Variants in BTRC observed in about 807,000 individuals in gnomAD.
The protein encoded by BTRC is beta-transducin repeat containing E3 ubiquitin protein ligase.
BTRC carries 42 observed loss-of-function variants against 85.5 expected under a neutral mutation model. That is an observed-to-expected ratio of 0.49 (90% CI 0.38 to 0.64). The LOEUF (loss-of-function observed/expected upper bound fraction) is 0.64. Among genes scored for constraint, BTRC ranks in the 30% least tolerant of loss-of-function variants. BTRC has a pLI of 0.00. For missense variants in BTRC, 594 were observed against 743.5 expected, an observed-to-expected ratio of 0.80 and a Z score of 2.34; for synonymous variants, 255 against 263.3, an observed-to-expected ratio of 0.97 and a Z score of 0.30.
intron 1 of BTRC, among the ~76,000 whole-genome samples, chr10:101,385,706 A>G (rs1943060141): frequency 7.2e-6 from 1 of 138,480 alleles, no homozygotes; most frequent in South Asian, 2.3e-4. Flanking sequence ...AAAATCTGGT[A>G]TCACAGGATC....
At chr10:101,536,724 A>C in intron 12 of BTRC, 71 bp downstream of exon 12, 1 of 1,127,236 alleles carries the variant, frequency 8.9e-7, no homozygotes, top group Non-Finnish European at 1.3e-6. Flanking sequence ...TATGGTGTTA[A>C]ACATAACCAT....
intron 1 of BTRC, among the ~76,000 whole-genome samples, chr10:101,366,780 A>ATTTTTTATATT (rs1401642159): frequency 1.5e-4 from 15 of 103,290 alleles, no homozygotes; most frequent in South Asian, 2.6e-4. Flanking sequence ...ATATATATAT[A>ATTTTTTATATT]TATATATATT....
intron 1 of BTRC, among the ~76,000 whole-genome samples, chr10:101,357,420 G>A: frequency 8.1e-6 from 1 of 124,180 alleles, no homozygotes. Flanking sequence ...CAGCCTGGGT[G>A]ACAGAGCGAG....
chr10:101,429,880 ACT>A (rs1328453003), intron 1 of BTRC, among the ~76,000 whole-genome samples: 2 of 150,632 alleles, frequency 1.3e-5, no homozygotes, highest in African/African-American at 2.4e-5. Context: ...AAAAAAAAAA[ACT>A]CTCTTAACTG....
At chr10:101,492,356 T>C (rs1343069907) in intron 4 of BTRC, among the ~76,000 whole-genome samples, 1 of 152,188 alleles carries the variant, frequency 6.6e-6, no homozygotes, top group East Asian at 1.9e-4. Flanking sequence ...GTAGCGTGAC[T>C]CTGTAATGGA....
At chr10:101,443,550 G>A (rs1200964572) in intron 2 of BTRC, among the ~76,000 whole-genome samples, 4 of 152,090 alleles carry the variant, frequency 2.6e-5, no homozygotes, top group Admixed American at 6.6e-5. Flanking sequence ...CATTTAAAAC[G>A]ATCACTTTCC....
intron 2 of BTRC, among the ~76,000 whole-genome samples, chr10:101,455,983 A>ACACACACACACACACACACACACAC (rs1554881061): frequency 1.9e-3 from 179 of 96,014 alleles, no homozygotes; most frequent in Non-Finnish European, 2.8e-3. Flanking sequence ...CTCTACTAAA[A>ACACACACACACACACACACACACAC]ACACACACAC....
intron 13 of BTRC, among the ~76,000 whole-genome samples, chr10:101,542,390 A>G (rs1172510310): frequency 6.6e-6 from 1 of 152,132 alleles, no homozygotes; most frequent in East Asian, 1.9e-4. Flanking sequence ...AGTAATTCTA[A>G]TCACTACTTT....
chr10:101,422,693 C>T (rs919489589), intron 1 of BTRC, among the ~76,000 whole-genome samples: 9 of 152,282 alleles, frequency 5.9e-5, no homozygotes, highest in Non-Finnish European at 1.2e-4. Context: ...ATATGGCTAG[C>T]CAGTTTTCCC....
intron 2 of BTRC, among the ~76,000 whole-genome samples, chr10:101,457,884 A>C (rs1032583788): frequency 6.6e-6 from 1 of 152,166 alleles, no homozygotes; most frequent in Non-Finnish European, 1.5e-5. Context: ...AGCACAAAGA[A>C]TCTCCTTACA....
chr10:101,531,481 T>C (rs988390152), intron 7 of BTRC, 148 bp downstream of exon 7: 31 of 605,342 alleles, frequency 5.1e-5, no homozygotes, highest in Non-Finnish European at 8.5e-5. Context: ...CTCACACCTG[T>C]AATCCCAGCA....
At chr10:101,364,914 A>C (rs919088832) in intron 1 of BTRC, 2 of 149,948 alleles carry the variant, frequency 1.3e-5, no homozygotes, top group Non-Finnish European at 2.9e-5. Flanking sequence ...GCAAGCTCCT[A>C]TTCCATCTCC....
At position 101,550,894 on chromosome 10, in the gene BTRC, A is replaced by G; in HGVS notation, c.*31+3A>G. 4 of 1,592,016 alleles carry G rather than the reference A, an allele frequency of 2.5e-6. No homozygotes were observed. Among genetic ancestry groups the G allele is most frequent in the Non-Finnish European group, 3.4e-6 (4 of 1,162,134 alleles). On this transcript the variant is annotated splice_donor_region_variant and intron_variant, in intron 14 of 14. Transcript: ENST00000370187. ...ACACTGACCTCATACTTGCCCAGGT[A>G]TCGAAATCGATTATGTACATAACAC...
At chr10:101,390,996 A>G (rs1249220627) in intron 1 of BTRC, among the ~76,000 whole-genome samples, 1 of 152,194 alleles carries the variant, frequency 6.6e-6, no homozygotes, top group East Asian at 1.9e-4. Context: ...CAAATTTAGA[A>G]ATTTTACTCT....
intron 5 of BTRC, among the ~76,000 whole-genome samples, chr10:101,523,001 C>T (rs1466116708): frequency 6.6e-6 from 1 of 151,984 alleles, no homozygotes; most frequent in Non-Finnish European, 1.5e-5. Context: ...GTCAAGAGTT[C>T]GAGACCAGCA....
intron 2 of BTRC, among the ~76,000 whole-genome samples, chr10:101,454,048 T>TTA (rs1292336171): frequency 6.6e-6 from 1 of 152,224 alleles, no homozygotes; most frequent in African/African-American, 2.4e-5. Flanking sequence ...CATACTGGCA[T>TTA]TATAAGTAGT....
At chr10:101,469,549 T>TCC (rs1205522357) in intron 3 of BTRC, among the ~76,000 whole-genome samples, 2 of 152,078 alleles carry the variant, frequency 1.3e-5, no homozygotes, top group Non-Finnish European at 2.9e-5. Flanking sequence ...TTCAGAAAAA[T>TCC]AGCATGATAC....
intron 13 of BTRC, 139 bp downstream of exon 13, chr10:101,538,510 C>A: frequency 1.5e-6 from 1 of 687,186 alleles, no homozygotes; most frequent in Non-Finnish European, 2.5e-6. Flanking sequence ...GCAACCAGTA[C>A]ATGACAATAA....
chr10:101,429,380 T>G (rs1220677736), intron 1 of BTRC, among the ~76,000 whole-genome samples: 1 of 152,134 alleles, frequency 6.6e-6, no homozygotes, highest in African/African-American at 2.4e-5. Context: ...TCTACCTTTT[T>G]TGACTACTGA....
Sources: gnomAD v4.1 joint callset for allele counts (sites outside exome capture counted in the v4.1 genomes callset) on GRCh38, gnomAD v4.1.1 for gene constraint, MANE v1.5 for transcripts, NCBI Gene and HGNC (gene_info 2026-07-23, HGNC 2026-07-21) for gene names.